Variants in ANKRD17 observed in about 807,000 individuals in gnomAD.
ANKRD17 encodes ankyrin repeat domain 17.
In ANKRD17, 19 loss-of-function variants were observed where a neutral mutation model predicts 229.7. That is an observed-to-expected ratio of 0.08 (90% CI 0.06 to 0.12). ANKRD17 has a LOEUF of 0.12. Among genes scored for constraint, ANKRD17 ranks in the 10% least tolerant of loss-of-function variants. The pLI is 1.00. For synonymous variants in ANKRD17, 1,112 were observed against 1,146.1 expected, an observed-to-expected ratio of 0.97 and a Z score of 0.60; for missense variants, 2,176 against 3,176.8, an observed-to-expected ratio of 0.68 and a Z score of 7.57.
chr4:73,209,492 T>C (rs1394715413), intron 1 of ANKRD17, among the ~76,000 whole-genome samples: 1 of 152,182 alleles, frequency 6.6e-6, no homozygotes, highest in Non-Finnish European at 1.5e-5. Context: ...CTAAAGAAAT[T>C]CAATGTTTAA....
At chr4:73,181,190 G>A (rs920294874) in intron 1 of ANKRD17, among the ~76,000 whole-genome samples, 1 of 152,124 alleles carries the variant, frequency 6.6e-6, no homozygotes, top group Non-Finnish European at 1.5e-5. Flanking sequence ...TTAGGTAGTA[G>A]GTGGTGCAAA....
chr4:73,076,221 C>T lies in ANKRD17; in HGVS notation c.*10G>A. On this transcript the variant is annotated 3_prime_UTR_variant, in exon 34 of 34. Coordinates refer to ENST00000358602, the MANE Select transcript of ANKRD17 (RefSeq NM_032217.5). ...GAAAAGGAATCTGCAGGCTAACAAGCTGATCCTCATCAGCCAAGCTGGTTC... is the reference window on the plus strand; with the variant it reads ...GAAAAGGAATCTGCAGGCTAACAAGTTGATCCTCATCAGCCAAGCTGGTTC... 6.2e-7 allele frequency: 1 copy of T among 1,605,052 alleles called. No homozygotes were observed. Among genetic ancestry groups the T allele is most frequent in the Non-Finnish European group, 8.5e-7 (1 of 1,176,730 alleles).
intron 1 of ANKRD17, among the ~76,000 whole-genome samples, chr4:73,251,276 C>T (rs1744999369): frequency 6.6e-6 from 1 of 152,112 alleles, no homozygotes; most frequent in Non-Finnish European, 1.5e-5. Context: ...ATAACTGAAA[C>T]CCCAAATTAT....
intron 1 of ANKRD17, among the ~76,000 whole-genome samples, chr4:73,223,377 A>T (rs1189307985): frequency 6.6e-6 from 1 of 152,240 alleles, no homozygotes; most frequent in African/African-American, 2.4e-5. Flanking sequence ...GGTTGAACAA[A>T]AGAGGTTGAA....
In ANKRD17 at chr4:73,139,731, A is replaced by G; in HGVS notation, c.2885T>C (p.Leu962Ser). The G allele has an allele frequency of 1.2e-6, 2 of 1,614,214 alleles. No individual in the cohort carries two copies. The highest frequency in any genetic ancestry group is 1.7e-6 in the Non-Finnish European group (2 of 1,180,034). Residue 962 changes from leucine to serine, a missense_variant, in exon 15 of 34, where the codon TTG (leucine) becomes TCG (serine). This residue lies in a region of ANKRD17 where 230 missense variants were observed against 252.3 expected (regional missense o/e 0.91). Coordinates refer to ENST00000358602, the MANE Select transcript of ANKRD17 (RefSeq NM_032217.5). ...PIQPLAMPQA[L>S]PLAAGPLPPG... ...AGGCAAGGGACCTGCCGCCAGAGGCAAAGCTTGAGGCATCGCCAGAGGCTG... is the reference window on the plus strand; with the variant it reads ...AGGCAAGGGACCTGCCGCCAGAGGCGAAGCTTGAGGCATCGCCAGAGGCTG...
chr4:73,180,238 C>CA (rs1388891329), intron 1 of ANKRD17, among the ~76,000 whole-genome samples: 2 of 151,506 alleles, frequency 1.3e-5, no homozygotes, highest in Non-Finnish European at 1.5e-5. Context: ...GGATTTTGAC[C>CA]AAAAAAATTA....
At position 73,086,897 on chromosome 4, in the gene ANKRD17, C is replaced by CAAAAAAAAA. The variant is rs1176077387; in HGVS notation, c.6962-1460_6962-1452dup. 8.1e-3 allele frequency among the ~76,000 whole-genome samples: 83 copies of CAAAAAAAAA among 10,204 alleles called. 27 individuals are homozygous for CAAAAAAAAA. The highest frequency in any genetic ancestry group is 0.013 in the Non-Finnish European group (78 of 6,212). The allele number at this position is 10,204 out of a possible 152,430, so 6.7% of individuals were successfully genotyped here. ...TGGGCGTCCGAGTGAGACTCCATCT[C>CAAAAAAAAA]AAAAAAAAAAAAAAAAAAAAAAATA... On this transcript the variant is annotated intron_variant, in intron 29 of 33. Coordinates refer to ENST00000358602, the MANE Select transcript of ANKRD17 (RefSeq NM_032217.5).
chr4:73,196,579 A>AT (rs1342320227), intron 1 of ANKRD17, among the ~76,000 whole-genome samples: 1 of 152,146 alleles, frequency 6.6e-6, no homozygotes, highest in Non-Finnish European at 1.5e-5. Context: ...CTTATGTCTG[A>AT]TTTTAAGTGA....
At chr4:73,220,973 C>T (rs1054711514) in intron 1 of ANKRD17, among the ~76,000 whole-genome samples, 9 of 152,142 alleles carry the variant, frequency 5.9e-5, no homozygotes, top group Non-Finnish European at 1.0e-4. Context: ...TGTTTACTTG[C>T]AATATGAGGT....
Position 73,258,349 on chromosome 4 carries a change from C to T in ANKRD17, c.320G>A (p.Gly107Asp). The change falls in exon 1 of 34, where the codon GGC (glycine) becomes GAC (aspartate). Residue 107 changes from glycine (G) to aspartate (D), a missense_variant. This residue lies in a region of ANKRD17 where 196 missense variants were observed against 190.0 expected (regional missense o/e 1.03). Coordinates refer to ENST00000358602, the MANE Select transcript of ANKRD17 (RefSeq NM_032217.5). ...GTTGTTACTGCTGGTGCCGCCGCCG[C>T]CACCTCCGCCTCCACCGCCGCCTCC... ...GGGGGGGGGG[G>D]GGGTSSNNSE... The T allele has an allele frequency of 1.2e-6, 2 of 1,612,268 alleles. No homozygotes were observed. The highest frequency in any genetic ancestry group is 1.7e-6 in the Non-Finnish European group (2 of 1,179,466).
At chr4:73,112,810 C>G in intron 24 of ANKRD17, 3 of 623,992 alleles carry the variant, frequency 4.8e-6, no homozygotes, top group Non-Finnish European at 6.0e-6. Context: ...TTTTTTGAGA[C>G]GGAGTCTCAC....
chr4:73,113,760 G>A, intron 24 of ANKRD17, 32 bp downstream of exon 24: 5 of 1,429,048 alleles, frequency 3.5e-6, no homozygotes, highest in South Asian at 2.3e-5. Context: ...GGAAAAAAGT[G>A]GGTAGTTTTC....
At chr4:73,190,073 A>G (rs1489995652) in intron 1 of ANKRD17, among the ~76,000 whole-genome samples, 1 of 152,230 alleles carries the variant, frequency 6.6e-6, no homozygotes, top group Non-Finnish European at 1.5e-5. Context: ...TTTATTCTTT[A>G]TAAAGTATTC....
chr4:73,221,973 G>A (rs1007724643), intron 1 of ANKRD17, among the ~76,000 whole-genome samples: 1 of 151,898 alleles, frequency 6.6e-6, no homozygotes, highest in South Asian at 2.1e-4. Flanking sequence ...TGCTAACCCC[G>A]CCTAGCTTCC....
intron 1 of ANKRD17, chr4:73,222,966 A>C: frequency 6.5e-7 from 1 of 1,529,990 alleles, no homozygotes; most frequent in Non-Finnish European, 8.8e-7. Flanking sequence ...TTACAAACCT[A>C]GCCCTACCTC....
chr4:73,199,581 G>A (rs1370450477), intron 1 of ANKRD17, among the ~76,000 whole-genome samples: 1 of 152,052 alleles, frequency 6.6e-6, no homozygotes, highest in South Asian at 2.1e-4. Context: ...TCAGGTCTTT[G>A]CTTAAATGTG....
chr4:73,180,471 T>C (rs917782826), intron 1 of ANKRD17, among the ~76,000 whole-genome samples: 5 of 152,230 alleles, frequency 3.3e-5, no homozygotes, highest in African/African-American at 4.8e-5. Context: ...ACTAGGAAAA[T>C]TGCATTTCCA....
At chr4:73,114,247 G>T (rs1006686092) in intron 23 of ANKRD17, among the ~76,000 whole-genome samples, 2 of 152,170 alleles carry the variant, frequency 1.3e-5, no homozygotes, top group African/African-American at 4.8e-5. Flanking sequence ...CAGGCTAAAG[G>T]AAATAATGTC....
rs768512596 is a variant in ANKRD17, at chr4:73,121,562, A to T, written c.3635+55T>A. On this transcript the variant is annotated intron_variant, in intron 19 of 33. Transcript: ENST00000358602. ...GCACTAAAAAATAGGTGTTCTACAA[A>T]TATCTATAACAGTCTTACTAAATAA... The T allele has an allele frequency of 1.0e-5, 16 of 1,601,934 alleles. No homozygotes were observed. The African/African-American group carries it at 2.1e-4, about 21-fold the overall frequency.
Sources: gnomAD v4.1 joint callset for allele counts (sites outside exome capture counted in the v4.1 genomes callset) on GRCh38, gnomAD v4.1.1 for gene constraint, gnomAD v4.1.1 regional missense constraint, MANE v1.5 for transcripts, NCBI Gene and HGNC (gene_info 2026-07-23, HGNC 2026-07-21) for gene names.